The following DGKB variants were observed in gnomAD, a reference collection of about 807,000 sequenced individuals.
The protein encoded by DGKB is 90 kDa diacylglycerol kinase.
In DGKB, 67 loss-of-function variants were observed where a neutral mutation model predicts 114.3. The ratio of observed to expected loss-of-function variants is 0.59; its 90% CI spans 0.48 to 0.72. The LOEUF is 0.72. DGKB is among the 30% of genes least tolerant of loss of function. The pLI, the probability that DGKB is intolerant of heterozygous loss-of-function variation, is 0.00. For missense variants in DGKB, 907 were observed against 975.2 expected (o/e 0.93, Z 0.93); for synonymous variants, 398 against 323.1 (o/e 1.23, Z -2.49).
intron 20 of DGKB, among the ~76,000 whole-genome samples, chr7:14,522,636 G>GA (rs916261387): frequency 6.6e-6 from 1 of 151,990 alleles, no homozygotes; most frequent in African/African-American, 2.4e-5. Context: ...GCATGCCCAG[G>GA]AAAAAATGCC....
chr7:14,662,167 G>C (rs968318191), intron 13 of DGKB, among the ~76,000 whole-genome samples: 3 of 151,420 alleles, frequency 2.0e-5, no homozygotes, highest in Non-Finnish European at 2.9e-5. Context: ...TAACTAACCT[G>C]CATGTTGTGC....
chr7:14,309,785 G>T (rs568143630), intron 23 of DGKB, among the ~76,000 whole-genome samples: 1 of 152,170 alleles, frequency 6.6e-6, no homozygotes, highest in African/African-American at 2.4e-5. Context: ...AGCACAACTG[G>T]GACAAAGATG....
chr7:14,638,361 C>T (rs1811131565), intron 13 of DGKB, among the ~76,000 whole-genome samples: 1 of 152,096 alleles, frequency 6.6e-6, no homozygotes, highest in African/African-American at 2.4e-5. Context: ...TAGCTTCTAA[C>T]AAAATGATTT....
intron 21 of DGKB, among the ~76,000 whole-genome samples, chr7:14,453,012 C>G (rs1387017564): frequency 6.6e-6 from 1 of 152,124 alleles, no homozygotes; most frequent in Non-Finnish European, 1.5e-5. Flanking sequence ...TAACGTGGTC[C>G]ATGACTGCAT....
At chr7:14,377,419 T>C (rs1057273050) in intron 21 of DGKB, among the ~76,000 whole-genome samples, 3 of 152,132 alleles carry the variant, frequency 2.0e-5, no homozygotes, top group Non-Finnish European at 1.5e-5. Context: ...AAATGAAAAA[T>C]TGCATTGATG....
chr7:14,565,825 T>A (rs915332633), intron 20 of DGKB, among the ~76,000 whole-genome samples: 17 of 152,262 alleles, frequency 1.1e-4, no homozygotes, highest in African/African-American at 4.1e-4. Context: ...AAAACTTCCA[T>A]GTCATTCGCC....
intron 5 of DGKB, among the ~76,000 whole-genome samples, chr7:14,729,309 A>G (rs1254685191): frequency 6.7e-6 from 1 of 149,386 alleles, no homozygotes; most frequent in Non-Finnish European, 1.5e-5. Context: ...TTTTTAGTAG[A>G]GACCAGGTTT....
chr7:14,208,679 C>G (rs779476127), intron 23 of DGKB, among the ~76,000 whole-genome samples: 1 of 151,816 alleles, frequency 6.6e-6, no homozygotes, highest in South Asian at 2.1e-4. Context: ...TTAAAGGAAC[C>G]GGCTTTATTG....
At chr7:14,548,322 A>G (rs1794613293) in intron 20 of DGKB, among the ~76,000 whole-genome samples, 1 of 152,198 alleles carries the variant, frequency 6.6e-6, no homozygotes, top group South Asian at 2.1e-4. Context: ...CTGAGAAACA[A>G]TGTGTAAAAT....
chr7:14,414,643 A>G (rs1343510213), intron 21 of DGKB, among the ~76,000 whole-genome samples: 1 of 152,178 alleles, frequency 6.6e-6, no homozygotes, highest in Non-Finnish European at 1.5e-5. Context: ...GGTATGCTGT[A>G]AGAAAAAAAT....
At chr7:14,709,278 A>G (rs1270287850) in intron 6 of DGKB, among the ~76,000 whole-genome samples, 5 of 150,728 alleles carry the variant, frequency 3.3e-5, no homozygotes, top group Non-Finnish European at 7.4e-5. Flanking sequence ...ACCATCTCAC[A>G]CCAGTTAGAA....
intron 1 of DGKB, among the ~76,000 whole-genome samples, chr7:14,971,246 C>G (rs1474452555): frequency 6.6e-6 from 1 of 152,072 alleles, no homozygotes; most frequent in Non-Finnish European, 1.5e-5. Flanking sequence ...CTGGAGAATT[C>G]TTGGGCTCAT....
intron 23 of DGKB, among the ~76,000 whole-genome samples, chr7:14,284,483 C>T (rs1800505588): frequency 6.9e-6 from 1 of 145,250 alleles, no homozygotes; most frequent in Admixed American, 6.6e-5. Flanking sequence ...ACTAGAAATA[C>T]CATTTGACCC....
chr7:14,951,385 A>C (rs988032100), intron 1 of DGKB, among the ~76,000 whole-genome samples: 1 of 152,046 alleles, frequency 6.6e-6, no homozygotes. Context: ...ATGTAAGTTA[A>C]GTGAAAGATG....
chr7:14,158,107 A>G (rs1256325519), intron 25 of DGKB, among the ~76,000 whole-genome samples: 1 of 152,228 alleles, frequency 6.6e-6, no homozygotes, highest in Non-Finnish European at 1.5e-5. Flanking sequence ...AAAGTAATAT[A>G]ACAATAGCAC....
At position 14,613,350 on chromosome 7, in the gene DGKB, G is replaced by C. The variant is rs1268068214; in HGVS notation, c.1348C>G (p.Gln450Glu). Residue 450 changes from glutamine (Q) to glutamate (E), a missense_variant, in exon 16 of 26, where the codon CAA becomes GAA. Transcript: ENST00000402815. ...AATCAAAAAACATACCGTTCTCCTT[G>C]TTTTCCACCACTTTTGGGGTTCACA... ...VFVNPKSGGKQGERIYRKFQY... is the reference protein window; with the variant it reads ...VFVNPKSGGKEGERIYRKFQY... The C allele has an allele frequency of 6.4e-7, 1 of 1,564,776 alleles. No individual in the cohort carries two copies. The highest frequency in any genetic ancestry group is 1.2e-5 in the South Asian group (1 of 84,836).
intron 23 of DGKB, among the ~76,000 whole-genome samples, chr7:14,185,300 A>G (rs1221692123): frequency 6.6e-6 from 1 of 152,152 alleles, no homozygotes; most frequent in East Asian, 1.9e-4. Context: ...TTAGGAATAT[A>G]CCTAACCAAG....
At chr7:14,178,865 G>A (rs138451787) in intron 23 of DGKB, among the ~76,000 whole-genome samples, 43 of 151,422 alleles carry the variant, frequency 2.8e-4, no homozygotes, top group Middle Eastern at 6.8e-3. Flanking sequence ...AAGAGTTGTC[G>A]CTTGTTGAGT....
intron 23 of DGKB, among the ~76,000 whole-genome samples, chr7:14,239,222 G>T (rs1160244611): frequency 3.3e-5 from 5 of 152,010 alleles, no homozygotes; most frequent in Non-Finnish European, 5.9e-5. Flanking sequence ...ACCAAGAAAA[G>T]GGTACAAAGC....
Sources: allele counts gnomAD v4.1 joint callset (sites outside exome capture counted in the v4.1 genomes callset), GRCh38; gene constraint gnomAD v4.1.1; transcripts MANE v1.5; gene names NCBI Gene and HGNC (gene_info 2026-07-23, HGNC 2026-07-21).